CNTNAP5: variants seen among roughly 807,000 people sequenced by gnomAD.
CNTNAP5 encodes contactin associated protein family member 5.
CNTNAP5 carries 72 observed loss-of-function variants against 150.2 expected under a neutral mutation model. That is an observed-to-expected ratio of 0.48 (90% confidence interval 0.40 to 0.58). The LOEUF (loss-of-function observed/expected upper bound fraction) is 0.58. CNTNAP5 is among the 20% of genes least tolerant of loss of function. The probability of loss-of-function intolerance (pLI) is 0.00; values close to 1 mark genes in which losing one functional copy is unlikely to be tolerated. For missense variants in CNTNAP5, 1,636 were observed against 1,626.2 expected (o/e 1.01, Z -0.10); for synonymous variants, 672 against 619.8 (o/e 1.08, Z -1.25).
intron 3 of CNTNAP5, among the ~76,000 whole-genome samples, chr2:124,375,194 A>T (rs1224042115): frequency 6.6e-6 from 1 of 152,014 alleles, no homozygotes; most frequent in East Asian, 1.9e-4. Flanking sequence ...TTCAGGAGAG[A>T]CAAGATGTTT....
chr2:124,576,275 GTTT>G (rs1696281631), intron 11 of CNTNAP5, among the ~76,000 whole-genome samples: 1 of 152,132 alleles, frequency 6.6e-6, no homozygotes, highest in Non-Finnish European at 1.5e-5. Context: ...GTCAAAGTCA[GTTT>G]TCAGTGGCAC....
chr2:124,156,358 C>T (rs899182177), intron 1 of CNTNAP5, among the ~76,000 whole-genome samples: 2 of 152,116 alleles, frequency 1.3e-5, no homozygotes, highest in African/African-American at 4.8e-5. Flanking sequence ...AAAGCCTTGG[C>T]TTATGGATTT....
chr2:124,251,758 T>C (rs775942267), intron 3 of CNTNAP5, among the ~76,000 whole-genome samples: 1 of 152,192 alleles, frequency 6.6e-6, no homozygotes, highest in Non-Finnish European at 1.5e-5. Context: ...AGAAGTGCTA[T>C]GATTTTTTTC....
chr2:124,149,951 G>A (rs1169208358), intron 1 of CNTNAP5, among the ~76,000 whole-genome samples: 1 of 152,144 alleles, frequency 6.6e-6, no homozygotes, highest in Non-Finnish European at 1.5e-5. Context: ...CAACACTGCT[G>A]CTTTTTGTTA....
At chr2:124,044,940 G>A (rs950746838) in intron 1 of CNTNAP5, among the ~76,000 whole-genome samples, 10 of 148,542 alleles carry the variant, frequency 6.7e-5, no homozygotes, top group African/African-American at 2.5e-4. Flanking sequence ...ACATGAATAA[G>A]TGAGGCCCAT....
At chr2:124,196,728 C>CA (rs1262680133) in intron 1 of CNTNAP5, among the ~76,000 whole-genome samples, 1 of 152,124 alleles carries the variant, frequency 6.6e-6, no homozygotes, top group Non-Finnish European at 1.5e-5. Context: ...TGTTAATTAG[C>CA]AAATTAGTAA....
At chr2:124,040,621 C>CTG (rs58364625) in intron 1 of CNTNAP5, among the ~76,000 whole-genome samples, 24,313 of 144,882 alleles carry the variant, frequency 0.17, 1,964 homozygotes, top group East Asian at 0.27. Flanking sequence ...CTGTATGCCT[C>CTG]TGTGTGTGTG....
chr2:124,820,536 A>G (rs1341964733), intron 19 of CNTNAP5, among the ~76,000 whole-genome samples: 1 of 149,454 alleles, frequency 6.7e-6, no homozygotes, highest in African/African-American at 2.5e-5. Flanking sequence ...CACAAAGGAA[A>G]GGGGGGGGAG....
chr2:124,848,746 G>A (rs964071411), intron 19 of CNTNAP5, among the ~76,000 whole-genome samples: 6 of 152,150 alleles, frequency 3.9e-5, no homozygotes, highest in Non-Finnish European at 1.5e-5. Flanking sequence ...TTTCTCTGAT[G>A]AGTAGCGATA....
intron 19 of CNTNAP5, among the ~76,000 whole-genome samples, chr2:124,819,620 T>C (rs2104667595): frequency 1.3e-5 from 2 of 152,262 alleles, no homozygotes; most frequent in Non-Finnish European, 2.9e-5. Context: ...GGCTGAGATG[T>C]GTTTGAATGA....
In CNTNAP5 at chr2:124,131,829, T is replaced by C. The variant is rs547174448; in HGVS notation, c.83-89876T>C. Among the ~76,000 whole-genome samples, 17 of 152,316 alleles carry C rather than the reference T, an allele frequency of 1.1e-4. No homozygotes were observed. The South Asian group carries it at 3.5e-3, about 32-fold the overall frequency. ...GAAGCTTTAGAAAGAAATAGGCCCCTTCTCTTATGAACAGCTCTTTTTAGT... is the reference window on the plus strand; with the variant it reads ...GAAGCTTTAGAAAGAAATAGGCCCCCTCTCTTATGAACAGCTCTTTTTAGT... On this transcript the variant is annotated intron_variant, in intron 1 of 23. Coordinates refer to ENST00000682447, the MANE Select transcript of CNTNAP5 (RefSeq NM_001367498.1).
chr2:124,097,969 C>T (rs187132279), intron 1 of CNTNAP5, among the ~76,000 whole-genome samples: 3,527 of 152,112 alleles, frequency 0.023, 154 homozygotes, highest in African/African-American at 0.081. Context: ...CGGAGCTTGC[C>T]GTGGGCCGAG....
intron 7 of CNTNAP5, among the ~76,000 whole-genome samples, chr2:124,493,990 AC>A: frequency 6.6e-6 from 1 of 151,240 alleles, no homozygotes; most frequent in African/African-American, 2.4e-5. Context: ...ACACACACAC[AC>A]ACACACACAC....
intron 10 of CNTNAP5, among the ~76,000 whole-genome samples, chr2:124,554,360 T>G (rs1293700940): frequency 1.3e-5 from 2 of 152,056 alleles, no homozygotes; most frequent in Non-Finnish European, 2.9e-5. Context: ...AACTTCTTTC[T>G]TAGGTTTTTT....
chr2:124,751,105 G>A (rs990515824), intron 14 of CNTNAP5, among the ~76,000 whole-genome samples: 1 of 152,052 alleles, frequency 6.6e-6, no homozygotes, highest in African/African-American at 2.4e-5. Flanking sequence ...GCCTGAACCT[G>A]GGGTAGAAAT....
chr2:124,533,031 A>G (rs1399540080), intron 10 of CNTNAP5, among the ~76,000 whole-genome samples: 1 of 151,798 alleles, frequency 6.6e-6, no homozygotes, highest in Non-Finnish European at 1.5e-5. Context: ...AATATTTCAC[A>G]TTTGTCCCCC....
chr2:124,519,116 A>AAAG (rs1481265015), intron 8 of CNTNAP5, among the ~76,000 whole-genome samples: 1 of 152,054 alleles, frequency 6.6e-6, no homozygotes, highest in East Asian at 1.9e-4. Flanking sequence ...TTATTTATAT[A>AAAG]AAGTGCCCAG....
At chr2:124,723,475 G>T (rs762992597) in intron 13 of CNTNAP5, among the ~76,000 whole-genome samples, 3 of 152,110 alleles carry the variant, frequency 2.0e-5, no homozygotes, top group Non-Finnish European at 1.5e-5. Context: ...TCTAGCCTTT[G>T]CATATTACCC....
At chr2:124,627,114 G>A (rs1356960927) in intron 12 of CNTNAP5, among the ~76,000 whole-genome samples, 1 of 152,144 alleles carries the variant, frequency 6.6e-6, no homozygotes, top group East Asian at 1.9e-4. Flanking sequence ...GCGGGGAGGG[G>A]AAGCCGTCAT....
Sources: gnomAD v4.1 joint callset for allele counts (sites outside exome capture counted in the v4.1 genomes callset) on GRCh38, gnomAD v4.1.1 for gene constraint, MANE v1.5 for transcripts, NCBI Gene and HGNC (gene_info 2026-07-23, HGNC 2026-07-21) for gene names.